EXD1: variants seen among roughly 807,000 people sequenced by gnomAD.
EXD1 encodes exonuclease 3'-5' domain containing 1.
In EXD1, 63 loss-of-function variants were observed where a neutral mutation model predicts 49.1. The observed-to-expected ratio is 1.28, with a 90% confidence interval of 1.05 to 1.58. EXD1 has a LOEUF of 1.58. EXD1 is among the 40% of genes most tolerant of loss of function. The pLI, the probability that EXD1 is intolerant of heterozygous loss-of-function variation, is 0.00. For synonymous variants in EXD1, 234 were observed against 239.2 expected, an observed-to-expected ratio of 0.98 and a Z score of 0.20; for missense variants, 748 against 666.0, an observed-to-expected ratio of 1.12 and a Z score of -1.36.
Position 41,190,056 on chromosome 15 carries a change from A to G in EXD1, c.937T>C (p.Tyr313His). The change falls in exon 11 of 12, where the codon TAC (tyrosine) becomes CAC (histidine). Residue 313 changes from tyrosine (Y) to histidine (H), a missense_variant. Tyr to His is a moderately conservative substitution (Grantham distance 83). Transcript: ENST00000458580. ...AGTGCCAAGCGAAGGGGTAACAGGTAGGTAGCTTCCAGGGCCAAAATTTTC... is the reference window on the plus strand; with the variant it reads ...AGTGCCAAGCGAAGGGGTAACAGGTGGGTAGCTTCCAGGGCCAAAATTTTC... Reference protein sequence around the residue: ...LLKILALEATYLLPLRLALLD... With the variant: ...LLKILALEATHLLPLRLALLD... The G allele has an allele frequency of 1.2e-6, 2 of 1,614,242 alleles. No individual in the cohort carries two copies. The highest frequency in any genetic ancestry group is 1.7e-6 in the Non-Finnish European group (2 of 1,180,040).
rs1205950021 is a variant in EXD1, at chr15:41,192,592, GCATTTTTTTTTTTTTTTTTT to G, written c.721-1027_721-1008del. ...TTACAGGCGTGAACCACTGCGCCAG[GCATTTTTTTTTTTTTTTTTT>G]TTTTTTTTTTTTTTTTTTTTGAGAT... On this transcript the variant is annotated intron_variant, in intron 9 of 11. Transcript: ENST00000458580. Among the ~76,000 whole-genome samples the G allele has an allele frequency of 9.8e-3, 842 of 86,212 alleles. 24 individuals are homozygous for G. The highest frequency in any genetic ancestry group is 0.015 in the Non-Finnish European group (626 of 41,896). The allele number at this position is 86,212 out of a possible 152,430, so 56.6% of individuals were successfully genotyped here.
rs186541526 is a variant in EXD1 at position 41,227,424 on chromosome 15, C to T, written c.-53-796G>A. Reference sequence around the variant, plus strand: ...GTGGCTCATGCCTGTAATCCCACCACTTTGGGAGGCCGAGGTGGGCAGATA... The same window carrying T: ...GTGGCTCATGCCTGTAATCCCACCATTTTGGGAGGCCGAGGTGGGCAGATA... On this transcript the variant is annotated intron_variant, in intron 1 of 11. Coordinates refer to ENST00000458580, the MANE Select transcript of EXD1 (RefSeq NM_001286441.2). 3.0e-3 allele frequency among the ~76,000 whole-genome samples: 459 copies of T among 152,236 alleles called. 3 individuals are homozygous for T. The highest frequency in any genetic ancestry group is 0.011 in the African/African-American group (448 of 41,526).
At chr15:41,208,725 T>A (rs1186164952) in intron 7 of EXD1, among the ~76,000 whole-genome samples, 1 of 152,034 alleles carries the variant, frequency 6.6e-6, no homozygotes, top group African/African-American at 2.4e-5. Context: ...CACCCCAGCC[T>A]GGTGACAGAG....
At chr15:41,203,618 C>A (rs1004733195) in intron 7 of EXD1, among the ~76,000 whole-genome samples, 1 of 152,028 alleles carries the variant, frequency 6.6e-6, no homozygotes, top group East Asian at 1.9e-4. Context: ...CAAAGCCAGC[C>A]ATAAAACCTA....
rs200717021 is a variant in EXD1 at position 41,183,881 on chromosome 15, G to A, written c.*50C>T. 9 of 1,515,124 alleles carry A rather than the reference G, an allele frequency of 5.9e-6. No homozygotes were observed. The highest frequency in any genetic ancestry group is 7.1e-6 in the Non-Finnish European group (8 of 1,131,330). The allele number at this position is 1,515,124 out of a possible 1,614,324, so 93.9% of individuals were successfully genotyped here. On this transcript the variant is annotated 3_prime_UTR_variant, in exon 12 of 12. Coordinates refer to ENST00000458580, the MANE Select transcript of EXD1 (RefSeq NM_001286441.2). ...CCTGGGCACTGTGGAAAGCCCTGAT[G>A]GCAAAGGAAATAAGCCATCTGTATG...
chr15:41,224,625 C>T (rs72737793), intron 2 of EXD1, among the ~76,000 whole-genome samples: 31,721 of 151,880 alleles, frequency 0.21, 3,630 homozygotes, highest in Non-Finnish European at 0.26. Context: ...AATATTAACA[C>T]GAAGCTATTT....
chr15:41,230,631 C>A lies in EXD1; in HGVS notation c.-206G>T. 1 of 1,424,250 alleles carries A rather than the reference C, an allele frequency of 7.0e-7. No homozygotes were observed. The highest frequency in any genetic ancestry group is 9.8e-7 in the Non-Finnish European group (1 of 1,025,174). The allele number at this position is 1,424,250 out of a possible 1,614,324, so 88.2% of individuals were successfully genotyped here. On this transcript the variant is annotated 5_prime_UTR_variant, in exon 1 of 12. Transcript: ENST00000458580. The stretch of plus-strand genomic sequence containing the variant: ...GGGGCTGCAATGAAGGAAGAAGTCT[C>A]GGGACGCTCCACGCCACCCGGCGGC...
Position 41,194,334 on chromosome 15 carries a change from A to C in EXD1, c.720+1441T>G, listed in dbSNP as rs572946938. 5.3e-5 allele frequency among the ~76,000 whole-genome samples: 8 copies of C among 152,112 alleles called. No homozygotes were observed. The South Asian group carries it at 1.7e-3, about 32-fold the overall frequency. On this transcript the variant is annotated intron_variant, in intron 9 of 11. Coordinates refer to ENST00000458580, the MANE Select transcript of EXD1 (RefSeq NM_001286441.2). ...CCTGAAAAGTGATTTTTTTAACAGC[A>C]AGGCAGACGGAGATTTTACTACAGT... is the stretch of plus-strand genomic sequence containing the variant.
At chr15:41,202,545 T>C (rs1249300530) in intron 7 of EXD1, among the ~76,000 whole-genome samples, 2 of 151,996 alleles carry the variant, frequency 1.3e-5, no homozygotes, top group African/African-American at 4.8e-5. Context: ...CCATAGCTTA[T>C]TGCAGGCTAA....
At chr15:41,222,952 AAAAAAAAT>A (rs886355004) in intron 2 of EXD1, among the ~76,000 whole-genome samples, 12 of 116,952 alleles carry the variant, frequency 1.0e-4, no homozygotes, top group Admixed American at 2.4e-4. Flanking sequence ...AAAAAAAAAA[AAAAAAAAT>A]TTTTTTTAGA....
At chr15:41,205,879 C>CTT (rs1224144639) in intron 7 of EXD1, among the ~76,000 whole-genome samples, 80 of 128,570 alleles carry the variant, frequency 6.2e-4, no homozygotes, top group South Asian at 1.0e-3. Context: ...TAAATTTGGT[C>CTT]TTTTTTTTTT....
At chr15:41,214,374 G>T (rs774119494) in intron 6 of EXD1, among the ~76,000 whole-genome samples, 1 of 151,612 alleles carries the variant, frequency 6.6e-6, no homozygotes, top group African/African-American at 2.4e-5. Context: ...ATTAGCTGGC[G>T]TGGTGGTGCA....
At position 41,209,530 on chromosome 15, in the gene EXD1, A is replaced by G. The variant is rs1261860668; in HGVS notation, c.505T>C (p.Cys169Arg). Reference protein sequence around the residue: ...LSVAAEGANVCRHGKLCWLQV... With the variant: ...LSVAAEGANVRRHGKLCWLQV... ...AGCCAGCACAGTTTGCCATGGCGACATACATTCGCTCCTTCTGCTGCCACA... is the reference window on the plus strand; with the variant it reads ...AGCCAGCACAGTTTGCCATGGCGACGTACATTCGCTCCTTCTGCTGCCACA... The change falls in exon 7 of 12, where the codon TGT becomes CGT. Residue 169 changes from cysteine to arginine, a missense_variant. Physicochemically the swap from Cys to Arg is radical, Grantham distance 180 (BLOSUM62 -3). Transcript: ENST00000458580. 3.1e-6 allele frequency: 5 copies of G among 1,614,198 alleles called. No individual in the cohort carries two copies. The highest frequency in any genetic ancestry group is 3.3e-5 in the Admixed American group (2 of 60,006).
intron 7 of EXD1, among the ~76,000 whole-genome samples, chr15:41,209,150 G>A (rs1431306747): frequency 2.0e-5 from 3 of 152,164 alleles, no homozygotes; most frequent in Admixed American, 1.3e-4. Flanking sequence ...TGAGCCAGGT[G>A]CAGTGGCCTA....
intron 9 of EXD1, 119 bp downstream of exon 9, chr15:41,195,655 TG>T: frequency 3.6e-6 from 2 of 561,570 alleles, no homozygotes; most frequent in South Asian, 4.6e-5. Flanking sequence ...TGAGCAGAAA[TG>T]GAGCACCAAA....
chr15:41,196,093 G>C, intron 7 of EXD1, 56 bp from the exon 8 acceptor site: 2 of 1,276,560 alleles, frequency 1.6e-6, no homozygotes, highest in Non-Finnish European at 2.2e-6. Flanking sequence ...CTGAGGAAGG[G>C]AAATTTGAGG....
intron 11 of EXD1, among the ~76,000 whole-genome samples, chr15:41,189,653 ACT>A (rs2046473521): frequency 6.6e-6 from 1 of 151,926 alleles, no homozygotes; most frequent in Non-Finnish European, 1.5e-5. Context: ...ACAGAGTGAG[ACT>A]CTGTCTCAAA....
intron 1 of EXD1, 95 bp from the exon 2 acceptor site, chr15:41,226,723 A>T (rs1415015081): frequency 1.3e-5 from 13 of 992,724 alleles, no homozygotes; most frequent in African/African-American, 1.6e-5. Flanking sequence ...ACAAGAATAA[A>T]ATCTGAATAA....
At chr15:41,224,025 C>T (rs768652548) in intron 2 of EXD1, among the ~76,000 whole-genome samples, 4 of 151,922 alleles carry the variant, frequency 2.6e-5, no homozygotes, top group Admixed American at 2.0e-4. Context: ...CTGCAACCTC[C>T]GCCTCCCAGG....
Sources: allele counts gnomAD v4.1 joint callset (sites outside exome capture counted in the v4.1 genomes callset), GRCh38; gene constraint gnomAD v4.1.1; transcripts MANE v1.5; gene names NCBI Gene and HGNC (gene_info 2026-07-23, HGNC 2026-07-21).